Variants in ROR1 observed in about 807,000 individuals in gnomAD.
ROR1 encodes the protein ROR family WNT receptor 1.
Under a neutral mutation model 78.8 loss-of-function variants are expected in ROR1, and 19 were observed. The observed-to-expected ratio is 0.24, with a 90% CI of 0.17 to 0.35. ROR1 has a LOEUF of 0.35. ROR1 is among the 10% of genes least tolerant of loss of function. The pLI is 1.00. For missense variants in ROR1, 917 were observed against 1,177.8 expected, an observed-to-expected ratio of 0.78 and a Z score of 3.24; for synonymous variants, 386 against 433.6, an observed-to-expected ratio of 0.89 and a Z score of 1.36.
At chr1:63,846,104 CAGAG>C (rs113489345) in intron 1 of ROR1, among the ~76,000 whole-genome samples, 1 of 139,694 alleles carries the variant, frequency 7.2e-6, no homozygotes, top group Non-Finnish European at 1.5e-5. Flanking sequence ...TTTTATTTGA[CAGAG>C]AGAGAGAGAA....
chr1:63,951,237 A>G (rs1461426503), intron 1 of ROR1, among the ~76,000 whole-genome samples: 2 of 152,178 alleles, frequency 1.3e-5, no homozygotes, highest in Admixed American at 1.3e-4. Context: ...TTGGGTTTTC[A>G]GAGAATGTGG....
chr1:63,820,373 G>T (rs1270183180), intron 1 of ROR1, among the ~76,000 whole-genome samples: 1 of 152,214 alleles, frequency 6.6e-6, no homozygotes, highest in Non-Finnish European at 1.5e-5. Context: ...GTTCAGTAAG[G>T]TGGATTTTGG....
At chr1:64,151,242 G>A (rs1164115502) in intron 7 of ROR1, among the ~76,000 whole-genome samples, 2 of 152,184 alleles carry the variant, frequency 1.3e-5, no homozygotes, top group African/African-American at 4.8e-5. Flanking sequence ...GAATATAGCT[G>A]AGACTGAAGA....
chr1:63,809,300 C>T (rs1644846961), intron 1 of ROR1, among the ~76,000 whole-genome samples: 1 of 152,152 alleles, frequency 6.6e-6, no homozygotes, highest in African/African-American at 2.4e-5. Context: ...GAGTCCCCCA[C>T]AGGGTAATGA....
At position 63,839,557 on chromosome 1, in the gene ROR1, T is replaced by A. The variant is rs369244140; in HGVS notation, c.91+65049T>A. On this transcript the variant is annotated intron_variant, in intron 1 of 8. Coordinates refer to ENST00000371079, the MANE Select transcript of ROR1 (RefSeq NM_005012.4). ...GCAATTAAAAAAGGTGCAAATAATA[T>A]ATGTACCAAAGAAAATTCAGAAAAT... 5.9e-5 allele frequency among the ~76,000 whole-genome samples: 9 copies of A among 152,178 alleles called. No individual in the cohort carries two copies. The East Asian group carries it at 1.3e-3, about 23-fold the overall frequency.
At chr1:63,878,214 C>T (rs1010227471) in intron 1 of ROR1, among the ~76,000 whole-genome samples, 1 of 152,044 alleles carries the variant, frequency 6.6e-6, no homozygotes, top group Non-Finnish European at 1.5e-5. Flanking sequence ...CCGTGAAGGA[C>T]CAGGGAGGTG....
intron 1 of ROR1, among the ~76,000 whole-genome samples, chr1:63,935,023 A>ATTT (rs11376470): frequency 7.1e-5 from 10 of 140,232 alleles, no homozygotes; most frequent in South Asian, 2.3e-4. Flanking sequence ...ATTTGGGAGA[A>ATTT]TTTTTTTTTT....
At chr1:63,932,313 G>T (rs79501361) in intron 1 of ROR1, among the ~76,000 whole-genome samples, 1 of 152,052 alleles carries the variant, frequency 6.6e-6, no homozygotes, top group South Asian at 2.1e-4. Context: ...AGAGGAAGTG[G>T]GTTGATGGAG....
intron 1 of ROR1, among the ~76,000 whole-genome samples, chr1:63,862,490 A>C (rs1236830304): frequency 6.6e-6 from 1 of 151,912 alleles, no homozygotes; most frequent in East Asian, 1.9e-4. Context: ...GATCTCCGCC[A>C]AATATCTTGG....
intron 1 of ROR1, among the ~76,000 whole-genome samples, chr1:63,989,432 G>A (rs923262952): frequency 2.0e-5 from 3 of 151,808 alleles, no homozygotes; most frequent in Non-Finnish European, 4.4e-5. Flanking sequence ...CGTTTTTTTC[G>A]TGGTCATTGA....
At chr1:63,965,585 G>A (rs1274722659) in intron 1 of ROR1, among the ~76,000 whole-genome samples, 2 of 152,126 alleles carry the variant, frequency 1.3e-5, no homozygotes, top group African/African-American at 4.8e-5. Context: ...GACAGTGGAA[G>A]GGCTCTTTCC....
intron 1 of ROR1, among the ~76,000 whole-genome samples, chr1:63,803,405 G>C (rs570304394): frequency 6.6e-6 from 1 of 151,238 alleles, no homozygotes; most frequent in Non-Finnish European, 1.5e-5. Context: ...GTGCAGTGGC[G>C]CAATATCGGC....
intron 1 of ROR1, among the ~76,000 whole-genome samples, chr1:63,835,618 G>A (rs985559561): frequency 8.5e-5 from 13 of 152,210 alleles, no homozygotes; most frequent in African/African-American, 1.7e-4. Context: ...GTCATCAGTC[G>A]TGTGCCAGAT....
At chr1:64,157,063 A>G (rs1040421312) in intron 7 of ROR1, among the ~76,000 whole-genome samples, 7 of 152,236 alleles carry the variant, frequency 4.6e-5, no homozygotes, top group African/African-American at 1.7e-4. Flanking sequence ...GTTTATGAAA[A>G]GCACCTGGTC....
intron 1 of ROR1, among the ~76,000 whole-genome samples, chr1:63,923,861 G>C (rs1044102032): frequency 5.3e-5 from 8 of 151,860 alleles, no homozygotes; most frequent in African/African-American, 1.9e-4. Flanking sequence ...CCAGCTCACT[G>C]TGCCTCGGTC....
chr1:64,041,895 T>C (rs1185311388), intron 2 of ROR1, among the ~76,000 whole-genome samples: 1 of 152,158 alleles, frequency 6.6e-6, no homozygotes, highest in Non-Finnish European at 1.5e-5. Context: ...GCCACCTCGG[T>C]ACTTAACCTG....
intron 8 of ROR1, among the ~76,000 whole-genome samples, chr1:64,169,992 C>T (rs547229260): frequency 1.1e-4 from 16 of 152,310 alleles, no homozygotes; most frequent in African/African-American, 3.4e-4. Context: ...TAGAGTACCC[C>T]TCCTGGCTGC....
chr1:63,856,352 C>T (rs1461742814), intron 1 of ROR1, among the ~76,000 whole-genome samples: 1 of 152,198 alleles, frequency 6.6e-6, no homozygotes, highest in Non-Finnish European at 1.5e-5. Flanking sequence ...TGAAAACACT[C>T]TTCTATGTGC....
At position 63,928,472 on chromosome 1, in the gene ROR1, C is replaced by T. The variant is rs192372349; in HGVS notation, c.92-80833C>T. Among the ~76,000 whole-genome samples the T allele has an allele frequency of 3.9e-5, 6 of 152,298 alleles. No homozygotes were observed. In the South Asian group the frequency reaches 6.2e-4, roughly 16 times the overall value. On this transcript the variant is annotated intron_variant, in intron 1 of 8. Coordinates refer to ENST00000371079, the MANE Select transcript of ROR1 (RefSeq NM_005012.4). ...GTGGCAGAAGTGCCTCCTATGCAGA[C>T]GCAAGACGCTAATATGGTTATTAGG...
Sources: gnomAD v4.1 joint callset for allele counts (sites outside exome capture counted in the v4.1 genomes callset) on GRCh38, gnomAD v4.1.1 for gene constraint, MANE v1.5 for transcripts, NCBI Gene and HGNC (gene_info 2026-07-23, HGNC 2026-07-21) for gene names.